Variants in MOV10 observed in about 807,000 individuals in gnomAD.
MOV10 encodes the protein RNA helicase MOV-10.
MOV10 carries 39 observed loss-of-function variants against 108.4 expected under a neutral mutation model. That is an observed-to-expected ratio of 0.36 (90% CI 0.28 to 0.47). The LOEUF (loss-of-function observed/expected upper bound fraction) is 0.47. Ranked by LOEUF, MOV10 falls within the 20% of genes least tolerant of loss-of-function variation. The probability of loss-of-function intolerance (pLI) is 1.00; values close to 1 mark genes in which losing one functional copy is unlikely to be tolerated. For synonymous variants in MOV10, 490 were observed against 523.1 expected (o/e 0.94, Z 0.86); for missense variants, 952 against 1,297.6 (o/e 0.73, Z 4.09).
At chr1:112,686,524 G>C (rs1388770289) in intron 2 of MOV10, among the ~76,000 whole-genome samples, 3 of 152,234 alleles carry the variant, frequency 2.0e-5, no homozygotes, top group South Asian at 2.1e-4. Context: ...CACTCCCTGG[G>C]GAGATTCCTA....
At chr1:112,688,856 G>A (rs923830271) in intron 2 of MOV10, 79 bp from the exon 3 acceptor site, 41 of 1,597,452 alleles carry the variant, frequency 2.6e-5, no homozygotes, top group Non-Finnish European at 3.0e-5. Flanking sequence ...GTGACCCTCC[G>A]ATGCCCTTTC....
chr1:112,689,418 T>C lies in MOV10; in HGVS notation c.345T>C (p.Ala115=). 1 of 875,046 alleles carries C rather than the reference T, an allele frequency of 1.1e-6. No homozygotes were observed. Among genetic ancestry groups the C allele is most frequent in the Non-Finnish European group, 1.7e-6 (1 of 577,338 alleles). The allele number at this position is 875,046 out of a possible 1,614,324, so 54.2% of individuals were successfully genotyped here. The change falls in exon 4 of 21, where the codon GCT becomes GCC. Residue 115 remains alanine (A), a synonymous_variant. Transcript: ENST00000369645. ...CCTTGACTCCCCTTCTCCCCAGGGCTGAGTATCTTCATGGGAAACATGGTG... is the reference window on the plus strand; with the variant it reads ...CCTTGACTCCCCTTCTCCCCAGGGCCGAGTATCTTCATGGGAAACATGGTG... The part of the protein sequence containing the change: ...SLLAKIFYDR[A]EYLHGKHGVD...
At chr1:112,677,311 C>A (rs1445249557) in intron 2 of MOV10, among the ~76,000 whole-genome samples, 1 of 152,184 alleles carries the variant, frequency 6.6e-6, no homozygotes, top group Non-Finnish European at 1.5e-5. Context: ...TCCTGTGTCA[C>A]TCCAGAAGAC....
At chr1:112,690,577 C>T (rs888872068) in intron 5 of MOV10, among the ~76,000 whole-genome samples, 1 of 152,092 alleles carries the variant, frequency 6.6e-6, no homozygotes, top group African/African-American at 2.4e-5. Context: ...CCAGGCTGGT[C>T]TCGAACTCCT....
chr1:112,692,896 T>C lies in MOV10; in HGVS notation c.1107T>C (p.Pro369=). ...AGTCGGTGCCCATGACCTGGGACCC[T>C]GTGGACCAGAACCCCAGGCTGCTCA... ...DLESVPMTWD[P]VDQNPRLLTL... Residue 369 remains proline (P), a synonymous_variant, in exon 7 of 21, where the codon CCT becomes CCC. Transcript: ENST00000369645. The C allele has an allele frequency of 6.2e-7, 1 of 1,612,756 alleles. No homozygotes were observed. Among genetic ancestry groups the C allele is most frequent in the Non-Finnish European group, 8.5e-7 (1 of 1,179,482 alleles).
chr1:112,678,419 AG>A (rs1338816259), intron 2 of MOV10, among the ~76,000 whole-genome samples: 2 of 152,154 alleles, frequency 1.3e-5, no homozygotes, highest in East Asian at 3.8e-4. Context: ...AATATACAAA[AG>A]GAACCCAACT....
Position 112,675,080 on chromosome 1 carries a change from C to A in MOV10, c.137+31C>A. Reference sequence around the variant, plus strand: ...GGCCGGCCCACTCCCGGCCCCGAATCGCGGGCCCAGCTTGCTGCCACGACC... The same window carrying A: ...GGCCGGCCCACTCCCGGCCCCGAATAGCGGGCCCAGCTTGCTGCCACGACC... On this transcript the variant is annotated intron_variant, in intron 2 of 20. Transcript: ENST00000369645. This position sits in a 1 kb window ranked among gnomAD's most constrained non-coding sequence, Gnocchi z 4.7. 1.9e-6 allele frequency: 3 copies of A among 1,572,140 alleles called. No homozygotes were observed. The highest frequency in any genetic ancestry group is 2.3e-5 in the South Asian group (2 of 86,526).
At chr1:112,683,759 A>G (rs12402784) in intron 2 of MOV10, among the ~76,000 whole-genome samples, 17 of 152,260 alleles carry the variant, frequency 1.1e-4, no homozygotes, top group Admixed American at 2.0e-4. Context: ...AGTGCTTACA[A>G]TGTGTTCACC....
Position 112,689,949 on chromosome 1 carries a change from C to T in MOV10, c.687C>T (p.Ala229=), listed in dbSNP as rs376801518. Residue 229 remains alanine (A), a synonymous_variant, in exon 5 of 21, where the codon GCC becomes GCT. Coordinates refer to ENST00000369645, the MANE Select transcript of MOV10 (RefSeq NM_001321324.2). The part of the protein sequence containing the change: ...LGPGESGSEG[A]GTFYIARFLA... ...CTGGGGAGTCGGGTTCAGAAGGAGC[C>T]GGCACATTCTACATTGCCCGCTTCT... 84 of 1,614,054 alleles carry T rather than the reference C, an allele frequency of 5.2e-5. No homozygotes were observed. Among genetic ancestry groups the T allele is most frequent in the Non-Finnish European group, 6.8e-5 (80 of 1,180,046 alleles).
intron 4 of MOV10, 34 bp from the exon 5 acceptor site, chr1:112,689,806 C>G (rs144264245): frequency 2.3e-5 from 37 of 1,605,798 alleles, no homozygotes; most frequent in East Asian, 2.2e-5. Context: ...GTGGGAGGGT[C>G]CCTACCCCCA....
At chr1:112,685,992 G>A (rs1212601998) in intron 2 of MOV10, among the ~76,000 whole-genome samples, 1 of 152,170 alleles carries the variant, frequency 6.6e-6, no homozygotes, top group Non-Finnish European at 1.5e-5. Flanking sequence ...TTTCTTGAAA[G>A]TCAGATCTGG....
rs778702938 is a variant in MOV10 at position 112,694,013 on chromosome 1, C to G, written c.1141-5C>G. 6.8e-6 allele frequency: 11 copies of G among 1,613,856 alleles called. No homozygotes were observed. Among genetic ancestry groups the G allele is most frequent in the Non-Finnish European group, 7.6e-6 (9 of 1,179,954 alleles). On this transcript the variant is annotated splice_region_variant and splice_polypyrimidine_tract_variant and intron_variant, in intron 7 of 20. Transcript: ENST00000369645. This position sits in a 1 kb window ranked among gnomAD's most constrained non-coding sequence, Gnocchi z 4.1. ...CAGAAGCTTGCTTGTGTTCACACCC[C>G]ATAGGTTCCTGGAGTGACTGAGAGC...
At chr1:112,700,154 G>C (rs1674515686) in intron 19 of MOV10, 65 bp from the exon 20 acceptor site, 1 of 1,611,158 alleles carries the variant, frequency 6.2e-7, no homozygotes, top group Non-Finnish European at 8.5e-7. Context: ...AGCAAGTACA[G>C]CTCAGATGGG....
rs749529517 is a variant in MOV10 at position 112,689,602 on chromosome 1, T to C, written c.529T>C (p.Phe177Leu). 6.2e-7 allele frequency: 1 copy of C among 1,614,174 alleles called. No individual in the cohort carries two copies. The highest frequency in any genetic ancestry group is 1.7e-5 in the Admixed American group (1 of 60,020). The part of the protein sequence containing the change: ...HLFPLCRTPQ[F>L]AFYNEDQELP... ...CTTCCCACTCTGCCGGACACCCCAG[T>C]TTGCTTTCTACAATGAAGACCAGGA... is the stretch of plus-strand genomic sequence containing the variant. The change falls in exon 4 of 21, where the codon TTT (phenylalanine) becomes CTT (leucine). Residue 177 changes from phenylalanine (F) to leucine (L), a missense_variant. Physicochemically the swap from Phe to Leu is conservative, Grantham distance 22. Transcript: ENST00000369645.
At chr1:112,695,624 C>G in intron 11 of MOV10, 50 bp downstream of exon 11, 2 of 1,585,802 alleles carry the variant, frequency 1.3e-6, no homozygotes, top group Non-Finnish European at 8.6e-7. Context: ...CGGGGAGGCT[C>G]TCAGGGCAGA....
chr1:112,694,362 G>T lies in MOV10; in HGVS notation c.1296-91G>T. 6.5e-7 allele frequency: 1 copy of T among 1,537,250 alleles called. No homozygotes were observed. The highest frequency in any genetic ancestry group is 2.2e-5 in the East Asian group (1 of 44,478). On this transcript the variant is annotated intron_variant, in intron 8 of 20. Transcript: ENST00000369645. The surrounding 1 kb of genome is among the most constrained non-coding windows in gnomAD (Gnocchi z 4.1). ...TTGCATAGAGGTCTTGGAAAGAGGG[G>T]TTGGGACACTGGTTGGTGGAGAAAG... is the stretch of plus-strand genomic sequence containing the variant.
rs75637641 is a variant in MOV10, at chr1:112,685,721, A to T, written c.138-3214A>T. Among the ~76,000 whole-genome samples, 1,401 of 151,596 alleles carry T rather than the reference A, an allele frequency of 9.2e-3. 6 individuals are homozygous for T. The highest frequency in any genetic ancestry group is 0.013 in the Non-Finnish European group (852 of 67,942). The stretch of plus-strand genomic sequence containing the variant: ...AATAAATATAGAGGATTACATGTAT[A>T]ATACAAGGATTGGGGCTTTTTTCCG... On this transcript the variant is annotated intron_variant, in intron 2 of 20. Transcript: ENST00000369645.
At chr1:112,681,900 G>A (rs1372959610) in intron 2 of MOV10, among the ~76,000 whole-genome samples, 1 of 139,426 alleles carries the variant, frequency 7.2e-6, no homozygotes, top group African/African-American at 2.6e-5. Context: ...TTGTTTATGG[G>A]TTTTTTTTTT....
chr1:112,687,120 ACTC>A (rs528346165), intron 2 of MOV10: 17 of 440,340 alleles, frequency 3.9e-5, no homozygotes, highest in African/African-American at 2.8e-4. Flanking sequence ...AGTTGTTACT[ACTC>A]CTACTACTAC....
Sources: gnomAD v4.1 joint callset for allele counts (sites outside exome capture counted in the v4.1 genomes callset) on GRCh38, gnomAD v4.1.1 for gene constraint, Gnocchi (gnomAD v3.1) non-coding constraint, MANE v1.5 for transcripts, NCBI Gene and HGNC (gene_info 2026-07-23, HGNC 2026-07-21) for gene names.